The following ANKFN1 variants were observed in gnomAD, a reference collection of about 807,000 sequenced individuals.
The protein encoded by ANKFN1 is ankyrin repeat and fibronectin type-III domain-containing protein 1.
A neutral mutation model predicts 108.7 loss-of-function variants in ANKFN1; 74 were observed. The ratio of observed to expected loss-of-function variants is 0.68; its 90% CI spans 0.56 to 0.83. ANKFN1 has a LOEUF of 0.83. Among genes scored for constraint, ANKFN1 ranks in the 40% least tolerant of loss-of-function variants. ANKFN1 has a pLI of 0.00. For missense variants in ANKFN1, 1,505 were observed against 1,382.3 expected (o/e 1.09, Z -1.41); for synonymous variants, 547 against 516.2 (o/e 1.06, Z -0.81).
intron 8 of ANKFN1, among the ~76,000 whole-genome samples, chr17:56,382,585 T>C (rs2047138081): frequency 6.6e-6 from 1 of 152,000 alleles, no homozygotes; most frequent in Admixed American, 6.6e-5. Flanking sequence ...ATAAAACCCA[T>C]CTCACATGCA....
intron 3 of ANKFN1, among the ~76,000 whole-genome samples, chr17:56,280,165 A>G (rs1292875115): frequency 6.6e-6 from 1 of 152,010 alleles, no homozygotes; most frequent in Non-Finnish European, 1.5e-5. Flanking sequence ...GCATGCCACC[A>G]TGCCCAGCTC....
At chr17:56,395,464 G>C (rs986997227) in intron 8 of ANKFN1, among the ~76,000 whole-genome samples, 36 of 152,218 alleles carry the variant, frequency 2.4e-4, no homozygotes, top group African/African-American at 8.7e-4. Flanking sequence ...CACAGAGTGG[G>C]ACAGAGAAGG....
intron 3 of ANKFN1, among the ~76,000 whole-genome samples, chr17:56,285,565 T>C (rs1021938895): frequency 2.6e-5 from 4 of 152,170 alleles, no homozygotes; most frequent in African/African-American, 4.8e-5. Flanking sequence ...AGTATAATGC[T>C]GACATGTTTT....
chr17:56,388,823 G>T (rs1342099968), intron 8 of ANKFN1, among the ~76,000 whole-genome samples: 1 of 152,072 alleles, frequency 6.6e-6, no homozygotes, highest in Admixed American at 6.6e-5. Context: ...CACTAGGGTT[G>T]CCATTAGGGA....
At chr17:56,134,174 A>G (rs1227659047) in intron 4 of ANKFN1, among the ~76,000 whole-genome samples, 2 of 152,200 alleles carry the variant, frequency 1.3e-5, no homozygotes, top group Non-Finnish European at 2.9e-5. Flanking sequence ...ATAGATGAAC[A>G]GGCAGGTGGG....
chr17:56,236,396 A>G (rs1275816836), intron 3 of ANKFN1, among the ~76,000 whole-genome samples: 1 of 152,052 alleles, frequency 6.6e-6, no homozygotes, highest in Non-Finnish European at 1.5e-5. Context: ...CTCATTGTAG[A>G]TATCTTTCAC....
At chr17:56,178,341 C>T (rs1386490187) in intron 1 of ANKFN1, among the ~76,000 whole-genome samples, 2 of 152,160 alleles carry the variant, frequency 1.3e-5, no homozygotes, top group Admixed American at 6.5e-5. Flanking sequence ...CGCTATAAAT[C>T]ATATCATTAG....
intron 15 of ANKFN1, chr17:56,472,094 A>G (rs558896088): frequency 1.3e-5 from 2 of 152,376 alleles, no homozygotes; most frequent in South Asian, 2.1e-4. Context: ...AAAAGAGACT[A>G]CATTAATCTT....
intron 6 of ANKFN1, among the ~76,000 whole-genome samples, chr17:56,355,712 A>G (rs1172415410): frequency 6.6e-6 from 1 of 152,194 alleles, no homozygotes; most frequent in Non-Finnish European, 1.5e-5. Context: ...TGCAGGAGAC[A>G]GACTGGATGC....
intron 8 of ANKFN1, among the ~76,000 whole-genome samples, chr17:56,397,034 AAAAT>A: frequency 6.6e-6 from 1 of 152,120 alleles, no homozygotes; most frequent in Admixed American, 6.5e-5. Context: ...AAAGAAAAGA[AAAAT>A]AAAATTAATA....
At chr17:56,337,168 T>C (rs1017164397) in intron 4 of ANKFN1, among the ~76,000 whole-genome samples, 6 of 152,170 alleles carry the variant, frequency 3.9e-5, no homozygotes, top group Non-Finnish European at 7.3e-5. Context: ...ATAAGTGCGA[T>C]GTGGTGCTGA....
chr17:56,480,926 T>G, intron 17 of ANKFN1, 108 bp downstream of exon 17: 1 of 1,223,344 alleles, frequency 8.2e-7, no homozygotes, highest in Non-Finnish European at 1.1e-6. Flanking sequence ...TGTGTGTAAA[T>G]TTTCCTTTAC....
intron 4 of ANKFN1, among the ~76,000 whole-genome samples, chr17:56,076,634 C>A (rs1424367198): frequency 6.6e-6 from 1 of 152,178 alleles, no homozygotes; most frequent in Non-Finnish European, 1.5e-5. Flanking sequence ...TTTCTTTAAG[C>A]TTCCGTTTCT....
chr17:56,215,970 TA>T (rs1915398819), intron 2 of ANKFN1: 2 of 152,396 alleles, frequency 1.3e-5, no homozygotes, highest in East Asian at 3.9e-4. Flanking sequence ...CCATGGAGGA[TA>T]AAAAGATGAG....
At chr17:56,449,049 T>G (rs747628835) in intron 10 of ANKFN1, 30 bp from the exon 11 acceptor site, 26 of 1,599,832 alleles carry the variant, frequency 1.6e-5, no homozygotes, top group Non-Finnish European at 2.1e-5. Flanking sequence ...GTTTTAAAAT[T>G]TCACTATGTT....
chr17:56,229,312 C>T (rs996547825), intron 3 of ANKFN1, among the ~76,000 whole-genome samples: 8 of 152,150 alleles, frequency 5.3e-5, no homozygotes, highest in South Asian at 2.1e-4. Context: ...GTCTCCTTTT[C>T]GTGTGCTGTC....
intron 19 of ANKFN1, among the ~76,000 whole-genome samples, chr17:56,493,492 T>A (rs1380075669): frequency 6.6e-6 from 1 of 151,992 alleles, no homozygotes; most frequent in East Asian, 1.9e-4. Flanking sequence ...ATAGTCAAGA[T>A]TGGTTGGGGC....
chr17:56,354,964 G>A (rs1467132189), intron 6 of ANKFN1, among the ~76,000 whole-genome samples: 1 of 152,128 alleles, frequency 6.6e-6, no homozygotes, highest in East Asian at 1.9e-4. Flanking sequence ...TGGGATTGCT[G>A]CATCATATGG....
chr17:56,504,199 G>A (rs1365420307), intron 20 of ANKFN1, among the ~76,000 whole-genome samples: 1 of 152,180 alleles, frequency 6.6e-6, no homozygotes, highest in African/African-American at 2.4e-5. Context: ...CTACAGCAGT[G>A]TTTCCCAAGT....
Sources: gnomAD v4.1 joint callset for allele counts (sites outside exome capture counted in the v4.1 genomes callset) on GRCh38, gnomAD v4.1.1 for gene constraint, MANE v1.5 for transcripts, NCBI Gene and HGNC (gene_info 2026-07-23, HGNC 2026-07-21) for gene names.